NCKAP5: variants seen among roughly 807,000 people sequenced by gnomAD.
The protein encoded by NCKAP5 is NCK associated protein 5, also known as nck-associated protein 5.
A neutral mutation model predicts 167.0 loss-of-function variants in NCKAP5; 92 were observed. That is an observed-to-expected ratio of 0.55 (90% CI 0.47 to 0.66). NCKAP5 has a LOEUF of 0.66. NCKAP5 is among the 30% of genes least tolerant of loss of function. The pLI, the probability that NCKAP5 is intolerant of heterozygous loss-of-function variation, is 0.00. For synonymous variants in NCKAP5, 891 were observed against 877.4 expected (o/e 1.02, Z -0.27); for missense variants, 2,378 against 2,315.0 (o/e 1.03, Z -0.56).
intron 6 of NCKAP5, among the ~76,000 whole-genome samples, chr2:133,033,347 C>T (rs201411648): frequency 3.3e-5 from 5 of 152,172 alleles, no homozygotes; most frequent in African/African-American, 9.7e-5. Flanking sequence ...ATCACAACAC[C>T]GAAGTCCTTT....
At chr2:133,550,058 A>G (rs1687144544) in intron 2 of NCKAP5, among the ~76,000 whole-genome samples, 1 of 151,762 alleles carries the variant, frequency 6.6e-6, no homozygotes, top group Admixed American at 6.6e-5. Context: ...AAGAAGTTGA[A>G]TCTCTGAATA....
intron 3 of NCKAP5, among the ~76,000 whole-genome samples, chr2:133,509,063 C>T (rs1334558804): frequency 1.3e-5 from 2 of 152,130 alleles, no homozygotes; most frequent in African/African-American, 2.4e-5. Flanking sequence ...AGGTGTCACC[C>T]GAGCTCCTGC....
chr2:133,451,950 T>C (rs1028864707), intron 3 of NCKAP5, among the ~76,000 whole-genome samples: 2 of 152,084 alleles, frequency 1.3e-5, no homozygotes, highest in Non-Finnish European at 2.9e-5. Context: ...TACTGAGTAA[T>C]GGGGGCTATA....
intron 4 of NCKAP5, among the ~76,000 whole-genome samples, chr2:133,290,728 CTTTTTTT>C (rs58758295): frequency 5.6e-5 from 5 of 89,366 alleles, no homozygotes; most frequent in Non-Finnish European, 1.0e-4. Context: ...AGAATTTCTC[CTTTTTTT>C]TTTTTTTTTT....
At chr2:132,775,323 G>C (rs1363621511) in intron 15 of NCKAP5, among the ~76,000 whole-genome samples, 6 of 152,184 alleles carry the variant, frequency 3.9e-5, no homozygotes, top group Admixed American at 2.0e-4. Flanking sequence ...TATGACTGCA[G>C]TTTCAATATT....
chr2:133,050,550 T>C (rs2079565245), intron 6 of NCKAP5, among the ~76,000 whole-genome samples: 1 of 152,224 alleles, frequency 6.6e-6, no homozygotes, highest in Non-Finnish European at 1.5e-5. Flanking sequence ...GTACTAAATC[T>C]ACTTGGGGAA....
chr2:133,583,411 C>T, the NCKAP5 span, among the ~76,000 whole-genome samples: 1 of 152,146 alleles, frequency 6.6e-6, no homozygotes, highest in African/African-American at 2.4e-5. Flanking sequence ...CTACCCATCA[C>T]CTGTTGCCTT....
At chr2:133,316,303 G>A (rs752972673) in intron 3 of NCKAP5, among the ~76,000 whole-genome samples, 1 of 152,158 alleles carries the variant, frequency 6.6e-6, no homozygotes, top group Non-Finnish European at 1.5e-5. Context: ...TGAGATTGGG[G>A]ACAAGGTGAT....
intron 8 of NCKAP5, among the ~76,000 whole-genome samples, chr2:132,932,845 A>C (rs1482452435): frequency 1.3e-5 from 2 of 152,178 alleles, no homozygotes. Context: ...ACTGCAAGGG[A>C]AGAAAAGAAG....
chr2:132,803,671 C>T (rs536700777), intron 11 of NCKAP5, among the ~76,000 whole-genome samples: 5 of 152,320 alleles, frequency 3.3e-5, no homozygotes, highest in African/African-American at 9.6e-5. Context: ...ACAGGGTGAG[C>T]ACCAGTGGGT....
chr2:133,467,099 G>A (rs1175598838), intron 3 of NCKAP5, among the ~76,000 whole-genome samples: 2 of 151,744 alleles, frequency 1.3e-5, no homozygotes, highest in Non-Finnish European at 2.9e-5. Flanking sequence ...GTTTTCAAAG[G>A]GAATGCTTCC....
At chr2:132,908,010 C>T (rs1389321912) in intron 8 of NCKAP5, among the ~76,000 whole-genome samples, 2 of 152,090 alleles carry the variant, frequency 1.3e-5, no homozygotes, top group Non-Finnish European at 2.9e-5. Context: ...TTTATTTGGT[C>T]AATGCTTTTG....
At chr2:132,975,165 A>T (rs2076944065) in intron 7 of NCKAP5, among the ~76,000 whole-genome samples, 1 of 152,264 alleles carries the variant, frequency 6.6e-6, no homozygotes. Flanking sequence ...AGAACATCCC[A>T]ATTTGTTCAC....
intron 16 of NCKAP5, among the ~76,000 whole-genome samples, chr2:132,744,387 C>T (rs1209074894): frequency 6.6e-6 from 1 of 151,442 alleles, no homozygotes; most frequent in Non-Finnish European, 1.5e-5. Context: ...AGAAAAATTT[C>T]CAAACATTTA....
the NCKAP5 span, among the ~76,000 whole-genome samples, chr2:133,636,067 G>A: frequency 6.6e-5 from 10 of 152,234 alleles, no homozygotes; most frequent in Admixed American, 5.2e-4. Flanking sequence ...GAGCTTGATA[G>A]CTGAGGAGGT....
chr2:133,527,928 G>C (rs187365947), intron 2 of NCKAP5, among the ~76,000 whole-genome samples: 1 of 152,078 alleles, frequency 6.6e-6, no homozygotes, highest in African/African-American at 2.4e-5. Context: ...AGCCAGATGT[G>C]GTGGCACGTG....
In NCKAP5 at chr2:132,782,027, T is replaced by C; in HGVS notation, c.4784A>G (p.Tyr1595Cys). The C allele has an allele frequency of 6.2e-7, 1 of 1,614,048 alleles. No individual in the cohort carries two copies. The highest frequency in any genetic ancestry group is 1.1e-5 in the South Asian group (1 of 91,084). ...CCTTGGTTCAATCTTCAGTTGGTTG[T>C]AAATGTCTTGTGGTGTTCTCCGATT... is the stretch of plus-strand genomic sequence containing the variant. The part of the protein sequence containing the change: ...KNNRRTPQDI[Y>C]NQLKIEPRNR... Residue 1595 changes from tyrosine to cysteine, a missense_variant, in exon 14 of 20, where the codon TAC becomes TGC. By Grantham distance (194) the Tyr-to-Cys change is radical (BLOSUM62 -2). Around this residue, in one of 3 missense-constraint regions of NCKAP5, gnomAD observed 1,325 missense variants for 1,274.5 expected, o/e 1.04. Coordinates refer to ENST00000409261, the MANE Select transcript of NCKAP5 (RefSeq NM_207363.3).
intron 3 of NCKAP5, among the ~76,000 whole-genome samples, chr2:133,390,201 T>C (rs1383521149): frequency 6.6e-6 from 1 of 152,242 alleles, no homozygotes; most frequent in Admixed American, 6.5e-5. Context: ...CCTGTGTATA[T>C]GTCGCAGGAC....
At chr2:132,684,792 T>C (rs1407654613) in intron 19 of NCKAP5, among the ~76,000 whole-genome samples, 1 of 152,168 alleles carries the variant, frequency 6.6e-6, no homozygotes, top group Non-Finnish European at 1.5e-5. Context: ...TGGACGAATA[T>C]GCTATCCGTT....
Sources: gnomAD v4.1 joint callset for allele counts (sites outside exome capture counted in the v4.1 genomes callset) on GRCh38, gnomAD v4.1.1 for gene constraint, gnomAD v4.1.1 regional missense constraint, MANE v1.5 for transcripts, NCBI Gene and HGNC (gene_info 2026-07-23, HGNC 2026-07-21) for gene names.